BNC2: variants seen among roughly 807,000 people sequenced by gnomAD.
BNC2 encodes the protein basonuclin zinc finger protein 2, also known as zinc finger protein basonuclin-2.
A neutral mutation model predicts 76.3 loss-of-function variants in BNC2; 20 were observed. The ratio of observed to expected loss-of-function variants is 0.26; its 90% CI spans 0.18 to 0.38. The LOEUF (loss-of-function observed/expected upper bound fraction) is 0.38, where lower values mean the gene tolerates loss of function less well. BNC2 is among the 10% of genes least tolerant of loss of function. BNC2 has a pLI of 1.00. For missense variants in BNC2, 1,382 were observed against 1,399.8 expected (o/e 0.99, Z 0.20); for synonymous variants, 582 against 514.8 (o/e 1.13, Z -1.77).
chr9:16,563,596 T>G (rs929656917), intron 4 of BNC2, among the ~76,000 whole-genome samples: 2 of 152,220 alleles, frequency 1.3e-5, no homozygotes, highest in African/African-American at 4.8e-5. Context: ...ACCAATCAAG[T>G]GCTGTGTAAT....
chr9:16,784,967 C>G (rs928999744), intron 1 of BNC2, among the ~76,000 whole-genome samples: 1 of 152,098 alleles, frequency 6.6e-6, no homozygotes. Flanking sequence ...TTTTTAAGCC[C>G]GTGAGACCCA....
chr9:16,672,002 T>C (rs146925272), intron 3 of BNC2, among the ~76,000 whole-genome samples: 1 of 152,332 alleles, frequency 6.6e-6, no homozygotes, highest in Non-Finnish European at 1.5e-5. Context: ...AAATCATTCA[T>C]GGGTGATTGG....
At chr9:16,773,337 C>G (rs1825877681) in intron 1 of BNC2, among the ~76,000 whole-genome samples, 1 of 152,120 alleles carries the variant, frequency 6.6e-6, no homozygotes, top group African/African-American at 2.4e-5. Flanking sequence ...TCCTGCCTGC[C>G]TGTCACTCTC....
chr9:16,486,639 A>C (rs80194635), intron 5 of BNC2, among the ~76,000 whole-genome samples: 95 of 152,330 alleles, frequency 6.2e-4, no homozygotes, highest in South Asian at 3.3e-3. Flanking sequence ...TATTTGCACT[A>C]AAGTTTACTT....
intron 3 of BNC2, among the ~76,000 whole-genome samples, chr9:16,674,043 G>A (rs958009819): frequency 3.9e-5 from 6 of 152,158 alleles, no homozygotes; most frequent in African/African-American, 1.4e-4. Context: ...TCATTCCAAA[G>A]TTCTGAACCT....
intron 3 of BNC2, among the ~76,000 whole-genome samples, chr9:16,615,756 A>G (rs943695181): frequency 1.3e-5 from 2 of 152,216 alleles, no homozygotes; most frequent in Admixed American, 1.3e-4. Context: ...TTTGTTACAG[A>G]GTTAGCAGCC....
chr9:16,529,890 C>G (rs1031392762), intron 5 of BNC2, among the ~76,000 whole-genome samples: 3 of 152,050 alleles, frequency 2.0e-5, no homozygotes, highest in African/African-American at 7.3e-5. Flanking sequence ...ACTCTGTTGT[C>G]CAGGCTGGAG....
intron 1 of BNC2, among the ~76,000 whole-genome samples, chr9:16,796,136 CAG>C (rs1312911643): frequency 1.3e-5 from 2 of 152,198 alleles, no homozygotes; most frequent in South Asian, 2.1e-4. Context: ...GTACATAAAA[CAG>C]AGACAAAGCC....
At chr9:16,716,930 C>A (rs923677013) in intron 3 of BNC2, among the ~76,000 whole-genome samples, 3 of 152,130 alleles carry the variant, frequency 2.0e-5, no homozygotes, top group African/African-American at 7.2e-5. Context: ...GCAACTTGCA[C>A]AACTTTAAGT....
chr9:16,723,912 T>C (rs565964795), intron 3 of BNC2, among the ~76,000 whole-genome samples: 1 of 152,176 alleles, frequency 6.6e-6, no homozygotes, highest in South Asian at 2.1e-4. Context: ...TGAAGTTAAA[T>C]AAAGCAACTG....
intron 2 of BNC2, among the ~76,000 whole-genome samples, chr9:16,731,927 G>A (rs1211745778): frequency 6.6e-6 from 1 of 152,008 alleles, no homozygotes; most frequent in African/African-American, 2.4e-5. Context: ...ACTACACACT[G>A]TGCATGTACC....
At chr9:16,600,315 T>G (rs1454264119) in intron 3 of BNC2, among the ~76,000 whole-genome samples, 1 of 152,232 alleles carries the variant, frequency 6.6e-6, no homozygotes, top group Non-Finnish European at 1.5e-5. Context: ...TAAGCATGCT[T>G]TAATACTTTG....
intron 1 of BNC2, among the ~76,000 whole-genome samples, chr9:16,801,955 C>T (rs1342491534): frequency 6.6e-6 from 1 of 151,936 alleles, no homozygotes; most frequent in East Asian, 1.9e-4. Flanking sequence ...TCAGTATCAT[C>T]AACTAGTATA....
At chr9:16,582,392 C>T (rs912878588) in intron 4 of BNC2, among the ~76,000 whole-genome samples, 1 of 152,140 alleles carries the variant, frequency 6.6e-6, no homozygotes, top group Non-Finnish European at 1.5e-5. Context: ...CCCCAGCACA[C>T]ACCTACACAG....
Position 16,435,819 on chromosome 9 carries a change from C to G in BNC2, c.2375G>C (p.Gly792Ala). ...GCTGGCACCCCCACCATTGTACAGT[C>G]CATACTGGCTCATGTAAAACATGTC... ...TYDMFYMSQY[G>A]LYNGGGASMA... Residue 792 changes from glycine (G) to alanine (A), a missense_variant, in exon 6 of 7, where the codon GGA becomes GCA. Gly to Ala is a moderately conservative substitution (Grantham distance 60). Coordinates refer to ENST00000380672, the MANE Select transcript of BNC2 (RefSeq NM_017637.6). The G allele has an allele frequency of 6.2e-7, 1 of 1,614,158 alleles. No individual in the cohort carries two copies. The highest frequency in any genetic ancestry group is 8.5e-7 in the Non-Finnish European group (1 of 1,180,026).
chr9:16,853,528 C>T (rs555237153), intron 1 of BNC2, among the ~76,000 whole-genome samples: 2 of 152,178 alleles, frequency 1.3e-5, no homozygotes, highest in East Asian at 3.9e-4. Context: ...CCATTCTCTC[C>T]AACACCTCCC....
At chr9:16,748,829 C>A (rs370840539) in intron 1 of BNC2, among the ~76,000 whole-genome samples, 1 of 95,740 alleles carries the variant, frequency 1.0e-5, no homozygotes, top group Admixed American at 1.7e-4. Flanking sequence ...GGCAACAGAG[C>A]GAAACCGTCT....
chr9:16,870,569 C>G (rs941770613), intron 1 of BNC2, 77 bp downstream of exon 1: 2 of 1,562,082 alleles, frequency 1.3e-6, no homozygotes, highest in African/African-American at 1.4e-5. Flanking sequence ...CCCGGGCGGC[C>G]CCGGTGGCGC....
intron 3 of BNC2, among the ~76,000 whole-genome samples, chr9:16,649,722 A>T (rs1821739017): frequency 1.3e-5 from 2 of 152,182 alleles, no homozygotes. Flanking sequence ...ATAAATTATG[A>T]ATTAGCCAAA....
Sources: gnomAD v4.1 joint callset for allele counts (sites outside exome capture counted in the v4.1 genomes callset) on GRCh38, gnomAD v4.1.1 for gene constraint, MANE v1.5 for transcripts, NCBI Gene and HGNC (gene_info 2026-07-23, HGNC 2026-07-21) for gene names.